The following PSD3 variants were observed in gnomAD, a reference collection of about 807,000 sequenced individuals.
The protein encoded by PSD3 is PH and SEC7 domain-containing protein 3.
In PSD3, 49 loss-of-function variants were observed where a neutral mutation model predicts 105.5. That is an observed-to-expected ratio of 0.46 (90% confidence interval 0.37 to 0.59). The LOEUF (loss-of-function observed/expected upper bound fraction) is 0.59, where lower values mean the gene tolerates loss of function less well. Ranked by LOEUF, PSD3 falls within the 20% of genes least tolerant of loss-of-function variation. PSD3 has a pLI of 0.00. For missense variants in PSD3, 1,561 were observed against 1,263.8 expected, an observed-to-expected ratio of 1.24 and a Z score of -3.57; for synonymous variants, 557 against 457.8, an observed-to-expected ratio of 1.22 and a Z score of -2.77.
chr8:18,535,472 A>T lies in PSD3; in HGVS notation c.*271T>A. 2.3e-6 allele frequency: 1 copy of T among 438,788 alleles called. No homozygotes were observed. The highest frequency in any genetic ancestry group is 4.1e-6 in the Non-Finnish European group (1 of 244,002). 27.2% of individuals were successfully genotyped at this position (438,788 alleles called of 1,614,324 possible). A position where few individuals can be genotyped will look rare whatever the true frequency, so the allele number is the denominator to read the frequency against. On this transcript the variant is annotated 3_prime_UTR_variant, in exon 16 of 16. Transcript: ENST00000327040. ...TGCAAACAAGAGAAAACCAAAAGAG[A>T]AGGGATACATAATTCATTCTGAAAT... is the stretch of plus-strand genomic sequence containing the variant.
intron 4 of PSD3, among the ~76,000 whole-genome samples, chr8:18,838,943 T>C (rs1412538610): frequency 6.6e-6 from 1 of 151,910 alleles, no homozygotes; most frequent in African/African-American, 2.4e-5. Context: ...TTCTCAATCA[T>C]CTTAATTGGT....
At chr8:18,619,950 G>C (rs757557685) in intron 11 of PSD3, among the ~76,000 whole-genome samples, 4 of 152,140 alleles carry the variant, frequency 2.6e-5, no homozygotes, top group Non-Finnish European at 5.9e-5. Flanking sequence ...GCCTTTCCCA[G>C]ATGTAGGAGA....
chr8:18,666,765 G>T (rs1184118584), intron 9 of PSD3, among the ~76,000 whole-genome samples: 2 of 151,004 alleles, frequency 1.3e-5, no homozygotes, highest in Non-Finnish European at 2.9e-5. Context: ...CATTATTCAA[G>T]GCTGGCAAAT....
chr8:18,737,270 T>C (rs1804221955), intron 9 of PSD3, among the ~76,000 whole-genome samples: 2 of 152,168 alleles, frequency 1.3e-5, no homozygotes, highest in African/African-American at 4.8e-5. Flanking sequence ...GGCCCACAGT[T>C]AGAAAATAAT....
intron 9 of PSD3, among the ~76,000 whole-genome samples, chr8:18,706,438 G>A (rs965663762): frequency 2.6e-5 from 4 of 152,186 alleles, no homozygotes; most frequent in Middle Eastern, 6.8e-3. Context: ...AACAGGATAG[G>A]TCAACAAACT....
chr8:18,928,534 G>A (rs1821521864), intron 2 of PSD3, among the ~76,000 whole-genome samples: 1 of 152,178 alleles, frequency 6.6e-6, no homozygotes. Context: ...CAAAAAAGTA[G>A]TGGTAAATTT....
chr8:18,745,489 T>A (rs137910699), intron 9 of PSD3, among the ~76,000 whole-genome samples: 49 of 152,348 alleles, frequency 3.2e-4, no homozygotes, highest in Non-Finnish European at 6.6e-4. Flanking sequence ...AGGTTGGCCT[T>A]CTGGCACACC....
In PSD3 at chr8:18,531,198, A is replaced by G. The variant is rs1002686609; in HGVS notation, c.*4545T>C. ...AAAGGATGAACCGAAGAGACTTAAGAAAACCTACTGTATATACAATTATGT... is the reference window on the plus strand; with the variant it reads ...AAAGGATGAACCGAAGAGACTTAAGGAAACCTACTGTATATACAATTATGT... On this transcript the variant is annotated 3_prime_UTR_variant, in exon 16 of 16. Coordinates refer to ENST00000327040, the MANE Select transcript of PSD3 (RefSeq NM_015310.4). The G allele has an allele frequency of 1.3e-5, 2 of 152,680 alleles. No homozygotes were observed. Among genetic ancestry groups the G allele is most frequent in the African/African-American group, 4.8e-5 (2 of 41,470 alleles). The allele number at this position is 152,680 out of a possible 1,614,324, so 9.5% of individuals were successfully genotyped here. A position where few individuals can be genotyped will look rare whatever the true frequency, so the allele number is the denominator to read the frequency against.
At chr8:18,673,351 C>T (rs988793206) in intron 9 of PSD3, among the ~76,000 whole-genome samples, 2 of 152,170 alleles carry the variant, frequency 1.3e-5, no homozygotes, top group South Asian at 2.1e-4. Context: ...TGGGGCAGAA[C>T]ACTAGGCTAC....
chr8:18,608,013 C>T (rs536587389), intron 11 of PSD3, among the ~76,000 whole-genome samples: 1 of 152,226 alleles, frequency 6.6e-6, no homozygotes, highest in African/African-American at 2.4e-5. Flanking sequence ...AAATTACCTC[C>T]CACCAGGTGG....
intron 9 of PSD3, among the ~76,000 whole-genome samples, chr8:18,703,448 G>C (rs955926994): frequency 7.9e-5 from 12 of 152,186 alleles, no homozygotes; most frequent in Non-Finnish European, 1.2e-4. Flanking sequence ...ATCACTAGGT[G>C]GTTGGACTCT....
At position 18,936,903 on chromosome 8, in the gene PSD3, T is replaced by A. The variant is rs187524264; in HGVS notation, c.22-761A>T. Among the ~76,000 whole-genome samples the A allele has an allele frequency of 2.2e-3, 328 of 152,286 alleles. 1 individual carries two copies. Among genetic ancestry groups the A allele is most frequent in the African/African-American group, 7.7e-3 (321 of 41,558 alleles). On this transcript the variant is annotated intron_variant, in intron 1 of 15. Transcript: ENST00000327040. ...CAAAAAAACCAGTCTTTCCCCAAAA[T>A]AGATCACATTTTTATATAATCAGGA...
At chr8:18,906,605 T>A (rs1433529588) in intron 2 of PSD3, among the ~76,000 whole-genome samples, 1 of 152,202 alleles carries the variant, frequency 6.6e-6, no homozygotes, top group East Asian at 1.9e-4. Context: ...ATGATCTTAT[T>A]GCTAAACTTC....
At chr8:18,548,233 T>C (rs1036238714) in intron 15 of PSD3, among the ~76,000 whole-genome samples, 2 of 152,200 alleles carry the variant, frequency 1.3e-5, no homozygotes, top group African/African-American at 2.4e-5. Flanking sequence ...CAATGAACTC[T>C]TGTATTCTTA....
chr8:18,867,793 C>T lies in PSD3; in HGVS notation c.1515G>A (p.Leu505=). The T allele has an allele frequency of 6.2e-7, 1 of 1,614,172 alleles. No individual in the cohort carries two copies. The highest frequency in any genetic ancestry group is 8.5e-7 in the Non-Finnish European group (1 of 1,180,030). The change falls in exon 4 of 16, where the codon CTG becomes CTA. Residue 505 remains leucine, a synonymous_variant. Transcript: ENST00000327040. ...RTSGGGHQDI[L]SVSADGGIVM... ...CGATGCCACCATCTGCAGACACACT[C>T]AGGATATCCTGATGTCCTCCCCCTG...
chr8:18,916,349 TACACAC>T (rs1216820670), intron 2 of PSD3, among the ~76,000 whole-genome samples: 1 of 44,712 alleles, frequency 2.2e-5, no homozygotes, highest in Admixed American at 3.1e-4. Context: ...TATATATATA[TACACAC>T]ACACACACAC....
chr8:18,693,289 T>A (rs965222012), intron 9 of PSD3, among the ~76,000 whole-genome samples: 6 of 152,188 alleles, frequency 3.9e-5, no homozygotes, highest in African/African-American at 1.2e-4. Context: ...CAAATTTCAA[T>A]GTGGCCAAGC....
chr8:18,839,371 C>T (rs1814419286), intron 4 of PSD3, among the ~76,000 whole-genome samples: 2 of 152,100 alleles, frequency 1.3e-5, no homozygotes, highest in South Asian at 2.1e-4. Flanking sequence ...AGGATAAACA[C>T]CAAAAACAGT....
At chr8:18,617,455 T>C (rs1240192966) in intron 11 of PSD3, among the ~76,000 whole-genome samples, 1 of 152,058 alleles carries the variant, frequency 6.6e-6, no homozygotes, top group East Asian at 1.9e-4. Context: ...CGCTTGAACT[T>C]GGGAGGCGCA....
Sources: gnomAD v4.1 joint callset for allele counts (sites outside exome capture counted in the v4.1 genomes callset) on GRCh38, gnomAD v4.1.1 for gene constraint, MANE v1.5 for transcripts, NCBI Gene and HGNC (gene_info 2026-07-23, HGNC 2026-07-21) for gene names.